CAMK1D: variants seen among roughly 807,000 people sequenced by gnomAD.
CAMK1D encodes calcium/calmodulin dependent protein kinase ID.
In CAMK1D, 9 loss-of-function variants were observed where a neutral mutation model predicts 47.7. That is an observed-to-expected ratio of 0.19 (90% CI 0.11 to 0.33). CAMK1D has a LOEUF of 0.33. Ranked by LOEUF, CAMK1D falls within the 10% of genes least tolerant of loss-of-function variation. The pLI is 1.00. For synonymous variants in CAMK1D, 184 were observed against 184.9 expected (o/e 0.99, Z 0.04); for missense variants, 291 against 488.7 (o/e 0.60, Z 3.81).
intron 1 of CAMK1D, among the ~76,000 whole-genome samples, chr10:12,452,909 A>G (rs142937697): frequency 8.9e-4 from 135 of 152,180 alleles, no homozygotes; most frequent in Non-Finnish European, 1.6e-4. Context: ...GGCATGAAGT[A>G]TATTCACATT....
intron 3 of CAMK1D, among the ~76,000 whole-genome samples, chr10:12,714,484 G>A (rs1272542780): frequency 6.6e-6 from 1 of 152,104 alleles, no homozygotes; most frequent in African/African-American, 2.4e-5. Flanking sequence ...ACTTTGGGGG[G>A]CCAAGGCAGG....
At position 12,831,642 on chromosome 10, in the gene CAMK1D, TCA is replaced by T. The variant is rs1454414705; in HGVS notation, c.*2759_*2760del. On this transcript the variant is annotated 3_prime_UTR_variant, in exon 11 of 11. Coordinates refer to ENST00000619168, the MANE Select transcript of CAMK1D (RefSeq NM_153498.4). ...TCAGTTCTTGGCCATGCTTGGCCTG[TCA>T]CACGCCGGGTCTCAACAACATCGTG... is the stretch of plus-strand genomic sequence containing the variant. 3 of 152,242 alleles carry T rather than the reference TCA, an allele frequency of 2.0e-5. No individual in the cohort carries two copies. Among genetic ancestry groups the T allele is most frequent in the African/African-American group, 7.2e-5 (3 of 41,452 alleles). The allele number at this position is 152,242 out of a possible 1,614,324, so 9.4% of individuals were successfully genotyped here. A position where few individuals can be genotyped will look rare whatever the true frequency, so the allele number is the denominator to read the frequency against.
At position 12,481,362 on chromosome 10, in the gene CAMK1D, C is replaced by G. The variant is rs1377316203; in HGVS notation, c.93-71863C>G. 2.0e-5 allele frequency among the ~76,000 whole-genome samples: 3 copies of G among 152,144 alleles called. No individual in the cohort carries two copies. In the East Asian group the frequency reaches 5.8e-4, roughly 29 times the overall value. ...AGTACACCAGGACCATTTTCCAAAC[C>G]CCTATGATTGCATTCCCAGCCAATC... On this transcript the variant is annotated intron_variant, in intron 1 of 10. Transcript: ENST00000619168.
chr10:12,768,805 A>T (rs1270409726), intron 4 of CAMK1D, among the ~76,000 whole-genome samples: 1 of 151,942 alleles, frequency 6.6e-6, no homozygotes, highest in African/African-American at 2.4e-5. Context: ...CATAAGACCC[A>T]CCCCTGCTTC....
chr10:12,739,272 A>G (rs76035497), intron 3 of CAMK1D, among the ~76,000 whole-genome samples: 35,831 of 150,704 alleles, frequency 0.24, 5,308 homozygotes, highest in East Asian at 0.4. Context: ...AATGAGATAG[A>G]TACGTTCCCC....
At chr10:12,703,341 A>G (rs1833598926) in intron 3 of CAMK1D, among the ~76,000 whole-genome samples, 1 of 152,140 alleles carries the variant, frequency 6.6e-6, no homozygotes, top group Non-Finnish European at 1.5e-5. Context: ...TGGATTTGCC[A>G]TTTCACCGAG....
At chr10:12,776,872 G>T (rs1015656208) in intron 5 of CAMK1D, among the ~76,000 whole-genome samples, 1 of 152,188 alleles carries the variant, frequency 6.6e-6, no homozygotes, top group African/African-American at 2.4e-5. Flanking sequence ...CTCGTTTACA[G>T]TCTGAGCTGA....
chr10:12,350,523 G>A (rs2131826120), intron 1 of CAMK1D, among the ~76,000 whole-genome samples: 1 of 151,992 alleles, frequency 6.6e-6, no homozygotes, highest in Admixed American at 6.6e-5. Context: ...CACGCGCCGG[G>A]GAGCGCGTCT....
At chr10:12,382,953 T>G (rs1002526051) in intron 1 of CAMK1D, among the ~76,000 whole-genome samples, 12 of 151,848 alleles carry the variant, frequency 7.9e-5, no homozygotes, top group East Asian at 1.9e-4. Flanking sequence ...TTTTTTTTTT[T>G]GTAGTTGGCA....
rs1834203857 is a variant in CAMK1D at position 12,486,050 on chromosome 10, T to C, written c.93-67175T>C. 2.0e-5 allele frequency among the ~76,000 whole-genome samples: 3 copies of C among 152,226 alleles called. No individual in the cohort carries two copies. The South Asian group carries it at 6.2e-4, about 32-fold the overall frequency. On this transcript the variant is annotated intron_variant, in intron 1 of 10. Transcript: ENST00000619168. The stretch of plus-strand genomic sequence containing the variant: ...CCAGCTTGTTGACGTACGCTACAGG[T>C]CTTGGGATTTGCCAGCATCTTATAA...
intron 1 of CAMK1D, among the ~76,000 whole-genome samples, chr10:12,491,238 A>G (rs980440237): frequency 1.3e-5 from 2 of 152,050 alleles, no homozygotes; most frequent in Non-Finnish European, 2.9e-5. Context: ...CCCTGGGAAC[A>G]TTTGGCTGTG....
chr10:12,809,147 T>C (rs1286475315), intron 6 of CAMK1D, among the ~76,000 whole-genome samples: 1 of 152,154 alleles, frequency 6.6e-6, no homozygotes, highest in Admixed American at 6.6e-5. Flanking sequence ...AGAAATACTT[T>C]TTAAAAATCA....
At chr10:12,825,761 C>A in intron 10 of CAMK1D, 71 bp downstream of exon 10, 1 of 1,608,504 alleles carries the variant, frequency 6.2e-7, no homozygotes, top group Non-Finnish European at 8.5e-7. Flanking sequence ...AGGAGGGAGC[C>A]GGCATCTGCC....
intron 3 of CAMK1D, among the ~76,000 whole-genome samples, chr10:12,708,191 T>C (rs4319405): frequency 0.95 from 144,590 of 152,288 alleles, 69,090 homozygotes; most frequent in East Asian, 1. Flanking sequence ...CGTATGCACC[T>C]CTTGCACTCT....
At chr10:12,367,771 T>A (rs1837881708) in intron 1 of CAMK1D, among the ~76,000 whole-genome samples, 2 of 151,988 alleles carry the variant, frequency 1.3e-5, no homozygotes, top group South Asian at 4.1e-4. Context: ...GATGGGGGCG[T>A]CTGTAAATAC....
intron 1 of CAMK1D, among the ~76,000 whole-genome samples, chr10:12,535,448 G>A (rs947478728): frequency 2.0e-5 from 3 of 152,156 alleles, no homozygotes; most frequent in Admixed American, 2.0e-4. Flanking sequence ...CCATTAAGTG[G>A]TGTGTTCTCC....
chr10:12,697,501 C>T (rs1329705075), intron 3 of CAMK1D, among the ~76,000 whole-genome samples: 2 of 152,200 alleles, frequency 1.3e-5, no homozygotes, highest in East Asian at 1.9e-4. Context: ...CCAGTTCAAG[C>T]GATTCTCCTG....
intron 1 of CAMK1D, among the ~76,000 whole-genome samples, chr10:12,444,870 A>G (rs1832883929): frequency 6.6e-6 from 1 of 152,282 alleles, no homozygotes; most frequent in Non-Finnish European, 1.5e-5. Flanking sequence ...GAGAGATTAG[A>G]CAGTAAAGGT....
At chr10:12,354,015 C>G (rs756277813) in intron 1 of CAMK1D, among the ~76,000 whole-genome samples, 8 of 152,092 alleles carry the variant, frequency 5.3e-5, no homozygotes, top group Non-Finnish European at 7.4e-5. Flanking sequence ...GCACCCTAGA[C>G]TCATAGAAGT....
Sources: allele counts gnomAD v4.1 joint callset (sites outside exome capture counted in the v4.1 genomes callset), GRCh38; gene constraint gnomAD v4.1.1; transcripts MANE v1.5; gene names NCBI Gene and HGNC (gene_info 2026-07-23, HGNC 2026-07-21).